GPHN: variants seen among roughly 807,000 people sequenced by gnomAD.
GPHN encodes gephyrin.
In GPHN, 17 loss-of-function variants were observed where a neutral mutation model predicts 95.5. That is an observed-to-expected ratio of 0.18 (90% confidence interval 0.12 to 0.27). GPHN has a LOEUF of 0.27. Among genes scored for constraint, GPHN ranks in the 10% least tolerant of loss-of-function variants. The pLI is 1.00. For missense variants in GPHN, 660 were observed against 978.1 expected, an observed-to-expected ratio of 0.67 and a Z score of 4.34; for synonymous variants, 320 against 322.5, an observed-to-expected ratio of 0.99 and a Z score of 0.08.
the GPHN span, chr14:67,395,534 G>A: frequency 1.9e-6 from 3 of 1,614,146 alleles, no homozygotes; most frequent in African/African-American, 1.3e-5. Context: ...TCGAGAACAG[G>A]CCTCCAGGAA....
chr14:67,328,881 C>A, the GPHN span, among the ~76,000 whole-genome samples: 1,701 of 152,234 alleles, frequency 0.011, 20 homozygotes, highest in Middle Eastern at 0.017. Flanking sequence ...GTTACTGTAG[C>A]CTTGTAGTAT....
chr14:67,614,871 C>A, the GPHN span: 1 of 145,406 alleles, frequency 6.9e-6, no homozygotes, highest in Non-Finnish European at 1.5e-5. Flanking sequence ...TTGATTGTAT[C>A]TGTATGGTAG....
chr14:67,561,827 T>G, the GPHN span: 1 of 686,058 alleles, frequency 1.5e-6, no homozygotes, highest in Non-Finnish European at 2.4e-6. Flanking sequence ...CCAAAATTGC[T>G]CCACTGCAAT....
At chr14:67,405,808 G>A in the GPHN span, among the ~76,000 whole-genome samples, 1 of 152,208 alleles carries the variant, frequency 6.6e-6, no homozygotes, top group Non-Finnish European at 1.5e-5. Context: ...CAACAGCCAT[G>A]TAGGTGAGCT....
the GPHN span, among the ~76,000 whole-genome samples, chr14:67,512,717 C>T: frequency 1.3e-5 from 2 of 152,118 alleles, no homozygotes; most frequent in African/African-American, 2.4e-5. Flanking sequence ...CCAACATCAT[C>T]GGAGACCCTC....
chr14:67,727,226 C>T, the GPHN span: 1 of 1,560,432 alleles, frequency 6.4e-7, no homozygotes, highest in Non-Finnish European at 8.7e-7. Context: ...AAAAATGGTC[C>T]TCAGACCAAA....
At chr14:67,489,989 CA>C in the GPHN span, among the ~76,000 whole-genome samples, 72,275 of 138,858 alleles carry the variant, frequency 0.52, 17,553 homozygotes, top group Middle Eastern at 0.58. Context: ...GACTCCGTCT[CA>C]AAAAAAAAAA....
intron 2 of GPHN, among the ~76,000 whole-genome samples, chr14:66,747,155 G>T (rs2058183286): frequency 6.6e-6 from 1 of 152,092 alleles, no homozygotes; most frequent in Admixed American, 6.6e-5. Context: ...CTGTCTACTA[G>T]TGTTAACTTT....
In GPHN at chr14:66,692,637, T is replaced by C. The variant is rs143489950; in HGVS notation, c.143+11452T>C. The stretch of plus-strand genomic sequence containing the variant: ...TCGAACAGTTTTCTATAATATTTGC[T>C]ATTTCTAATTACCATTTTTATATGA... On this transcript the variant is annotated intron_variant, in intron 2 of 22. Coordinates refer to ENST00000478722, the MANE Select transcript of GPHN (RefSeq NM_020806.5). 8.2e-3 allele frequency among the ~76,000 whole-genome samples: 1,251 copies of C among 152,314 alleles called. 13 individuals carry two copies. Among genetic ancestry groups the C allele is most frequent in the African/African-American group, 0.028 (1,182 of 41,560 alleles).
chr14:66,967,219 A>G (rs1161645567), intron 9 of GPHN, among the ~76,000 whole-genome samples: 1 of 152,000 alleles, frequency 6.6e-6, no homozygotes, highest in Non-Finnish European at 1.5e-5. Context: ...GCTGAATTAG[A>G]ATATTAATAT....
intron 3 of GPHN, among the ~76,000 whole-genome samples, chr14:66,817,307 ATTAAC>A (rs1181494566): frequency 1.3e-5 from 2 of 152,096 alleles, no homozygotes; most frequent in Non-Finnish European, 2.9e-5. Context: ...TAAACTGAAA[ATTAAC>A]TTATATAATC....
At chr14:67,006,084 A>G (rs2072589655) in intron 9 of GPHN, among the ~76,000 whole-genome samples, 1 of 152,026 alleles carries the variant, frequency 6.6e-6, no homozygotes, top group Non-Finnish European at 1.5e-5. Flanking sequence ...TTTTGACATC[A>G]GTATTTAAAT....
chr14:66,702,940 A>G (rs533462690), intron 2 of GPHN, among the ~76,000 whole-genome samples: 2 of 152,316 alleles, frequency 1.3e-5, no homozygotes, highest in South Asian at 2.1e-4. Flanking sequence ...CAATTTAGAA[A>G]GGAGCATAAA....
At chr14:66,654,736 C>T (rs1276450866) in intron 1 of GPHN, among the ~76,000 whole-genome samples, 1 of 152,148 alleles carries the variant, frequency 6.6e-6, no homozygotes. Context: ...TCTAGCACTA[C>T]TCCAGAAGAT....
At chr14:66,832,237 C>G (rs1487659824) in intron 4 of GPHN, among the ~76,000 whole-genome samples, 3 of 152,284 alleles carry the variant, frequency 2.0e-5, no homozygotes, top group Non-Finnish European at 2.9e-5. Context: ...CAGATTGATT[C>G]ATTGACTTGC....
At chr14:67,230,780 C>T in the GPHN span, among the ~76,000 whole-genome samples, 1 of 152,258 alleles carries the variant, frequency 6.6e-6, no homozygotes, top group South Asian at 2.1e-4. Context: ...CAAAAAGAAA[C>T]TTAACTATGG....
the GPHN span, among the ~76,000 whole-genome samples, chr14:67,214,569 C>T: frequency 2.0e-5 from 3 of 152,094 alleles, no homozygotes; most frequent in Admixed American, 6.6e-5. Context: ...GTTACTGTAG[C>T]CTTGTAGTAT....
the GPHN span, among the ~76,000 whole-genome samples, chr14:67,667,974 T>G: frequency 4.3e-4 from 66 of 151,918 alleles, no homozygotes; most frequent in African/African-American, 1.1e-3. Flanking sequence ...ACAAAAAAAA[T>G]GAGGAGTTAG....
At chr14:67,002,818 A>G (rs1285305937) in intron 9 of GPHN, among the ~76,000 whole-genome samples, 1 of 151,600 alleles carries the variant, frequency 6.6e-6, no homozygotes, top group African/African-American at 2.4e-5. Flanking sequence ...AAAGGTCCAA[A>G]GGTAAAGTTA....
Sources: allele counts gnomAD v4.1 joint callset (sites outside exome capture counted in the v4.1 genomes callset), GRCh38; gene constraint gnomAD v4.1.1; transcripts MANE v1.5; gene names NCBI Gene and HGNC (gene_info 2026-07-23, HGNC 2026-07-21).